Variants in MAP7D2 observed in about 807,000 individuals in gnomAD.
The protein encoded by MAP7D2 is MAP7 domain containing 2, also known as MAP7 domain-containing protein 2.
MAP7D2 carries 33 observed loss-of-function variants against 63.5 expected under a neutral mutation model. That is an observed-to-expected ratio of 0.52 (90% CI 0.39 to 0.70). The LOEUF is 0.70. Ranked by LOEUF, MAP7D2 falls within the 30% of genes least tolerant of loss-of-function variation. The pLI is 0.00. For synonymous variants in MAP7D2, 224 were observed against 223.7 expected (o/e 1.00, Z -0.01); for missense variants, 626 against 604.0 (o/e 1.04, Z -0.38).
At chrX:20,102,572 T>C (rs1243661293) in intron 1 of MAP7D2, among the ~76,000 whole-genome samples, 1 of 110,624 alleles carries the variant, frequency 9.0e-6, no homozygotes, top group East Asian at 2.8e-4. Flanking sequence ...GCTAGGCAAG[T>C]GTCAGAGGAG....
intron 1 of MAP7D2, among the ~76,000 whole-genome samples, chrX:20,094,487 C>T (rs866034846): frequency 3.3e-4 from 5 of 15,088 alleles, no homozygotes; most frequent in African/African-American, 1.1e-3. Flanking sequence ...AAAATACATA[C>T]ATATATATAT....
chrX:20,060,432 G>GAGAGAGAA (rs1398752566), intron 3 of MAP7D2, among the ~76,000 whole-genome samples: 3 of 69,223 alleles, frequency 4.3e-5, no homozygotes, highest in Admixed American at 1.5e-4. Context: ...GAGAGAGAGA[G>GAGAGAGAA]AGAAAGAAAG....
rs2064688829 is a variant in MAP7D2, at chrX:20,042,607, T to C, written c.902A>G (p.Gln301Arg). 8.3e-7 allele frequency: 1 copy of C among 1,211,676 alleles called. No homozygotes were observed. The highest frequency in any genetic ancestry group is 1.7e-5 in the African/African-American group (1 of 57,810). Residue 301 changes from glutamine (Q) to arginine (R), a missense_variant, in exon 8 of 17, where the codon CAA (glutamine) becomes CGA (arginine). Transcript: ENST00000379643. ...AACAGGAAGAGAAGTTGCTGTTCGT[T>C]GCCCCCGCTTCACCTTCTCCACCTG... ...ASLVEKVKRG[Q>R]RTATSLPVVN...
intron 1 of MAP7D2, among the ~76,000 whole-genome samples, chrX:20,094,073 C>A (rs146723642): frequency 0.033 from 3,643 of 111,130 alleles, 61 homozygotes; most frequent in Non-Finnish European, 0.049. Context: ...GAGTTGTATT[C>A]CTTGTTCCAA....
chrX:20,021,307 T>C (rs1323908770), intron 10 of MAP7D2: 3 of 112,554 alleles, frequency 2.7e-5, no homozygotes, highest in Non-Finnish European at 5.6e-5. Context: ...TTGGATGGTG[T>C]TTCCCTTACC....
chrX:20,102,619 G>A (rs969279524), intron 1 of MAP7D2, among the ~76,000 whole-genome samples: 2 of 111,000 alleles, frequency 1.8e-5, no homozygotes, highest in African/African-American at 6.5e-5. Flanking sequence ...ATCCATGACA[G>A]GGACGGTGAC....
intron 15 of MAP7D2, 152 bp downstream of exon 15, chrX:20,012,197 C>G (rs1040124014): frequency 7.5e-6 from 3 of 401,405 alleles, no homozygotes; most frequent in Non-Finnish European, 1.3e-5. Context: ...TGACGCAAGA[C>G]ACTAGAATGT....
chrX:20,014,197 T>C (rs953109471), intron 12 of MAP7D2, among the ~76,000 whole-genome samples: 30 of 112,886 alleles, frequency 2.7e-4, no homozygotes, highest in Admixed American at 2.3e-3. Context: ...GGCTATATGC[T>C]CTTTACTTAT....
intron 3 of MAP7D2, among the ~76,000 whole-genome samples, chrX:20,062,294 T>C (rs759130110): frequency 9.0e-6 from 1 of 111,594 alleles, no homozygotes; most frequent in African/African-American, 3.3e-5. Flanking sequence ...AGAGCTGGCA[T>C]TGGAGCTGAC....
chrX:20,063,590 A>T lies in MAP7D2; in HGVS notation c.209-13T>A, dbSNP rs2065276077. 8.3e-7 allele frequency: 1 copy of T among 1,206,358 alleles called. No homozygotes were observed. The highest frequency in any genetic ancestry group is 1.7e-5 in the African/African-American group (1 of 57,179). On this transcript the variant is annotated splice_polypyrimidine_tract_variant and intron_variant, in intron 2 of 16. Transcript: ENST00000379643. ...TGCTCCCGAGCAGCTGGGGAAGGAA[A>T]GTAGAAGAGAGGTGTCATTACCAGA...
Position 20,024,899 on chromosome X carries a change from T to C in MAP7D2, c.1412+52A>G. 6.0e-6 allele frequency: 7 copies of C among 1,174,212 alleles called. No homozygotes were observed. The Admixed American group carries it at 9.3e-5, about 16-fold the overall frequency. ...GTAAAAAGAAAGGCAAGCTGCTCTT[T>C]CCAACACAACAGTTACATGAGATCA... On this transcript the variant is annotated intron_variant, in intron 10 of 16. Transcript: ENST00000379643.
intron 10 of MAP7D2, among the ~76,000 whole-genome samples, chrX:20,018,326 C>T (rs917652758): frequency 3.6e-5 from 4 of 110,008 alleles, no homozygotes; most frequent in Non-Finnish European, 7.6e-5. Flanking sequence ...CATGTAAGAA[C>T]ATCCTTATGG....
At chrX:20,011,947 C>T (rs1186943820) in intron 15 of MAP7D2, among the ~76,000 whole-genome samples, 1 of 112,343 alleles carries the variant, frequency 8.9e-6, no homozygotes, top group Admixed American at 9.4e-5. Context: ...CTGCCAGGTT[C>T]TTCTTTTTCT....
intron 1 of MAP7D2, among the ~76,000 whole-genome samples, chrX:20,110,662 C>CAAA (rs1282020261): frequency 3.0e-5 from 1 of 33,053 alleles, no homozygotes; most frequent in African/African-American, 1.0e-4. Context: ...GACTCTGTCT[C>CAAA]AAAAAAAAAA....
At chrX:20,097,105 G>A (rs2066291593) in intron 1 of MAP7D2, among the ~76,000 whole-genome samples, 1 of 111,629 alleles carries the variant, frequency 9.0e-6, no homozygotes, top group Admixed American at 9.5e-5. Flanking sequence ...AATGACAGAA[G>A]TGTTCTATAT....
At chrX:20,029,500 C>A (rs2073981056) in intron 8 of MAP7D2, among the ~76,000 whole-genome samples, 1 of 112,304 alleles carries the variant, frequency 8.9e-6, no homozygotes, top group Non-Finnish European at 1.9e-5. Flanking sequence ...TAGCCCTGAA[C>A]AGCCTTGCTT....
At chrX:20,020,453 T>G (rs143367367) in intron 10 of MAP7D2, among the ~76,000 whole-genome samples, 1,684 of 111,384 alleles carry the variant, frequency 0.015, 41 homozygotes, top group African/African-American at 0.052. Flanking sequence ...TCTCAACAAT[T>G]TCCCTCCAAA....
chrX:20,034,165 C>T (rs1434596377), intron 8 of MAP7D2, among the ~76,000 whole-genome samples: 1 of 87,507 alleles, frequency 1.1e-5, no homozygotes, highest in Non-Finnish European at 2.1e-5. Flanking sequence ...GCAAAGGTTG[C>T]TGTGAGCAGA....
chrX:20,069,146 C>T (rs1156479347), intron 1 of MAP7D2, among the ~76,000 whole-genome samples: 3 of 111,854 alleles, frequency 2.7e-5, no homozygotes, highest in Non-Finnish European at 5.6e-5. Context: ...CCTAAAATGT[C>T]TAACTTTCCT....
Sources: allele counts gnomAD v4.1 joint callset (sites outside exome capture counted in the v4.1 genomes callset), GRCh38; gene constraint gnomAD v4.1.1; transcripts MANE v1.5; gene names NCBI Gene and HGNC (gene_info 2026-07-23, HGNC 2026-07-21).